Variants in NUP98 observed in about 807,000 individuals in gnomAD.
NUP98 encodes nuclear pore complex protein Nup98-Nup96.
In NUP98, 26 loss-of-function variants were observed where a neutral mutation model predicts 191.9. That is an observed-to-expected ratio of 0.14 (90% CI 0.10 to 0.19). NUP98 has a LOEUF of 0.19. Ranked by LOEUF, NUP98 falls within the 10% of genes least tolerant of loss-of-function variation. NUP98 has a pLI of 1.00. For synonymous variants in NUP98, 808 were observed against 778.4 expected (o/e 1.04, Z -0.63); for missense variants, 1,941 against 2,178.8 (o/e 0.89, Z 2.17).
intron 21 of NUP98, among the ~76,000 whole-genome samples, chr11:3,705,879 G>A (rs1257811832): frequency 6.6e-6 from 1 of 151,682 alleles, no homozygotes; most frequent in Non-Finnish European, 1.5e-5. Flanking sequence ...GCCGGGCTCA[G>A]TGGCTCATGC....
At chr11:3,790,735 T>C (rs2082306274) in intron 1 of NUP98, among the ~76,000 whole-genome samples, 1 of 152,184 alleles carries the variant, frequency 6.6e-6, no homozygotes, top group South Asian at 2.1e-4. Flanking sequence ...AAATTATTAG[T>C]TGTATTATTT....
chr11:3,766,067 T>C (rs548602659), intron 8 of NUP98, among the ~76,000 whole-genome samples: 4 of 152,302 alleles, frequency 2.6e-5, no homozygotes, highest in Admixed American at 6.5e-5. Context: ...TATTGCTTTA[T>C]AGTAAGTTTT....
At chr11:3,708,685 G>C (rs961734501) in intron 20 of NUP98, among the ~76,000 whole-genome samples, 4 of 149,488 alleles carry the variant, frequency 2.7e-5, no homozygotes, top group African/African-American at 9.9e-5. Flanking sequence ...GGCAGATCAG[G>C]TACCCTTTTT....
intron 15 of NUP98, 87 bp from the exon 16 acceptor site, chr11:3,723,542 G>A: frequency 9.3e-7 from 1 of 1,077,392 alleles, no homozygotes; most frequent in Non-Finnish European, 1.4e-6. Context: ...TTTACTAAGT[G>A]CCTGGCACTG....
At chr11:3,688,829 AT>A (rs2078214844) in intron 28 of NUP98, among the ~76,000 whole-genome samples, 1 of 146,784 alleles carries the variant, frequency 6.8e-6, no homozygotes, top group Non-Finnish European at 1.5e-5. Context: ...ACATATATAT[AT>A]ATATATATAT....
intron 26 of NUP98, 115 bp downstream of exon 26, chr11:3,695,334 A>T: frequency 1.0e-6 from 1 of 967,922 alleles, no homozygotes; most frequent in Middle Eastern, 2.5e-4. Context: ...CCAATGTGTA[A>T]AACATTTTGT....
chr11:3,768,808 T>C (rs2081424069), intron 7 of NUP98, 64 bp from the exon 8 acceptor site: 3 of 1,252,690 alleles, frequency 2.4e-6, no homozygotes, highest in Non-Finnish European at 3.2e-6. Context: ...CACCCAAAAA[T>C]ACAAAACCTT....
intron 1 of NUP98, among the ~76,000 whole-genome samples, chr11:3,796,490 T>C (rs2082582287): frequency 6.6e-6 from 1 of 152,242 alleles, no homozygotes; most frequent in Non-Finnish European, 1.5e-5. Flanking sequence ...TAAGTTTAGT[T>C]CTCAAGCTCT....
At chr11:3,780,251 G>C (rs1280448167) in intron 2 of NUP98, among the ~76,000 whole-genome samples, 4 of 151,186 alleles carry the variant, frequency 2.6e-5, no homozygotes, top group African/African-American at 9.7e-5. Context: ...GCCAGGTGCG[G>C]GGAAGTTACA....
chr11:3,767,387 G>A (rs2081374620), intron 8 of NUP98, among the ~76,000 whole-genome samples: 2 of 151,678 alleles, frequency 1.3e-5, no homozygotes, highest in Admixed American at 1.3e-4. Flanking sequence ...GAGTGCCATG[G>A]AGCAATCTCA....
chr11:3,683,519 T>G, intron 29 of NUP98, 78 bp from the exon 30 acceptor site: 1 of 1,499,176 alleles, frequency 6.7e-7, no homozygotes, highest in Non-Finnish European at 9.0e-7. Flanking sequence ...AGAGTGGCCC[T>G]TGGGGCAGTC....
intron 29 of NUP98, 31 bp downstream of exon 29, chr11:3,685,942 T>C: frequency 6.5e-7 from 1 of 1,540,592 alleles, no homozygotes; most frequent in Non-Finnish European, 9.0e-7. Flanking sequence ...GTGCTAGATG[T>C]ACCCAGTGGG....
At chr11:3,773,219 T>C (rs761649354) in intron 6 of NUP98, among the ~76,000 whole-genome samples, 24 of 151,922 alleles carry the variant, frequency 1.6e-4, no homozygotes, top group Non-Finnish European at 2.8e-4. Flanking sequence ...CTGAGCAACA[T>C]AGTGAGACCT....
intron 2 of NUP98, among the ~76,000 whole-genome samples, chr11:3,781,020 C>T (rs1031410932): frequency 1.3e-5 from 2 of 151,782 alleles, no homozygotes; most frequent in Non-Finnish European, 2.9e-5. Context: ...GCAGAAGTTA[C>T]AGCGAGCTGA....
At chr11:3,732,467 T>C (rs1415936582) in intron 13 of NUP98, among the ~76,000 whole-genome samples, 3 of 152,234 alleles carry the variant, frequency 2.0e-5, no homozygotes, top group Non-Finnish European at 4.4e-5. Context: ...CAAAATCTTA[T>C]ACTTCAAGAA....
At position 3,683,444 on chromosome 11, in the gene NUP98, A is replaced by T. The variant is rs759662437; in HGVS notation, c.4677-3T>A. 5 of 1,613,980 alleles carry T rather than the reference A, an allele frequency of 3.1e-6. No individual in the cohort carries two copies. The highest frequency in any genetic ancestry group is 4.2e-6 in the Non-Finnish European group (5 of 1,179,942). On this transcript the variant is annotated splice_polypyrimidine_tract_variant and splice_region_variant and intron_variant, in intron 29 of 32. Transcript: ENST00000324932. ...CTCGAACAGCCTTCTCACGTATGCT[A>T]CAGGGAGAGATAAGCTAGAATAAAT...
At chr11:3,758,197 C>G (rs1241279229) in intron 10 of NUP98, among the ~76,000 whole-genome samples, 2 of 149,964 alleles carry the variant, frequency 1.3e-5, no homozygotes, top group African/African-American at 4.9e-5. Flanking sequence ...GGTGGGTGCC[C>G]GTAGTCCCAG....
intron 8 of NUP98, among the ~76,000 whole-genome samples, chr11:3,763,352 A>G (rs897992346): frequency 6.6e-6 from 1 of 152,128 alleles, no homozygotes; most frequent in African/African-American, 2.4e-5. Flanking sequence ...CTATTAAATA[A>G]TAAGACTTTA....
intron 7 of NUP98, among the ~76,000 whole-genome samples, chr11:3,769,037 T>G (rs1403559874): frequency 6.6e-6 from 1 of 152,222 alleles, no homozygotes; most frequent in Non-Finnish European, 1.5e-5. Context: ...GAAGTCAGCA[T>G]GTGTATTTTA....
Sources: gnomAD v4.1 joint callset for allele counts (sites outside exome capture counted in the v4.1 genomes callset) on GRCh38, gnomAD v4.1.1 for gene constraint, MANE v1.5 for transcripts, NCBI Gene and HGNC (gene_info 2026-07-23, HGNC 2026-07-21) for gene names.